The following LGI3 variants were observed in gnomAD, a reference collection of about 807,000 sequenced individuals.
The protein encoded by LGI3 is leucine-rich repeat LGI family member 3.
Under a neutral mutation model 55.4 loss-of-function variants are expected in LGI3, and 47 were observed. That is an observed-to-expected ratio of 0.85 (90% CI 0.67 to 1.08). The LOEUF (loss-of-function observed/expected upper bound fraction) is 1.08. Ranked by LOEUF, LGI3 falls within the 50% of genes least tolerant of loss-of-function variation. The pLI is 0.00. For synonymous variants in LGI3, 326 were observed against 315.0 expected (o/e 1.04, Z -0.37); for missense variants, 664 against 726.3 (o/e 0.91, Z 0.99).
At chr8:22,156,222 TC>T in intron 1 of LGI3, 114 bp downstream of exon 1, 2 of 1,133,846 alleles carry the variant, frequency 1.8e-6, no homozygotes, top group Non-Finnish European at 1.3e-6. Flanking sequence ...ACCCCTGCAG[TC>T]CCCCTGGTCC....
rs1449407760 is a variant in LGI3, at chr8:22,154,147, A to T, written c.417T>A (p.Thr139=). 2 of 1,613,608 alleles carry T rather than the reference A, an allele frequency of 1.2e-6. No individual in the cohort carries two copies. Among genetic ancestry groups the T allele is most frequent in the Admixed American group, 1.7e-5 (1 of 60,012 alleles). The change falls in exon 4 of 8, where the codon ACT becomes ACA. Residue 139 remains threonine (T), a synonymous_variant. Coordinates refer to ENST00000306317, the MANE Select transcript of LGI3 (RefSeq NM_139278.4). ...TGTATGTGTGACGTACTCACAGGTG[A>T]GTCAAGGACTTGAGTCCTCGGAAGG... ...KFTFRGLKSL[T]HLSLANNNLQ... is the part of the protein sequence containing the mutation.
Sources: gnomAD v4.1 joint callset for allele counts on GRCh38, gnomAD v4.1.1 for gene constraint, MANE v1.5 for transcripts, NCBI Gene and HGNC (gene_info 2026-07-23, HGNC 2026-07-21) for gene names.